The following SLC44A1 variants were observed in gnomAD, a reference collection of about 807,000 sequenced individuals.
SLC44A1 encodes the protein solute carrier family 44 member 1.
Under a neutral mutation model 79.3 loss-of-function variants are expected in SLC44A1, and 26 were observed. That is an observed-to-expected ratio of 0.33 (90% CI 0.24 to 0.46). The LOEUF is 0.46. SLC44A1 is among the 20% of genes least tolerant of loss of function. The pLI is 1.00. For missense variants in SLC44A1, 688 were observed against 798.1 expected (o/e 0.86, Z 1.66); for synonymous variants, 263 against 286.2 (o/e 0.92, Z 0.82).
intron 4 of SLC44A1, among the ~76,000 whole-genome samples, chr9:105,338,264 A>G (rs144877388): frequency 1.6e-3 from 246 of 152,318 alleles, no homozygotes; most frequent in African/African-American, 5.8e-3. Context: ...ATTTCTCAAA[A>G]GAACCTATCC....
chr9:105,278,602 A>G (rs1020447227), intron 1 of SLC44A1, among the ~76,000 whole-genome samples: 5 of 151,916 alleles, frequency 3.3e-5, no homozygotes, highest in Non-Finnish European at 5.9e-5. Context: ...GCTGGTCTCG[A>G]ACTCCTGACC....
At chr9:105,276,565 CGTGT>C (rs60259632) in intron 1 of SLC44A1, among the ~76,000 whole-genome samples, 8,047 of 118,836 alleles carry the variant, frequency 0.068, 233 homozygotes, top group Middle Eastern at 0.15. Flanking sequence ...GATGGGGAGC[CGTGT>C]GTGTGTGTGT....
At chr9:105,261,716 G>C (rs1042299795) in intron 1 of SLC44A1, among the ~76,000 whole-genome samples, 2 of 151,884 alleles carry the variant, frequency 1.3e-5, no homozygotes, top group Non-Finnish European at 2.9e-5. Context: ...AGATGCTACG[G>C]AGGGGTGTAG....
At chr9:105,378,396 AG>A (rs1828360969) in intron 13 of SLC44A1, among the ~76,000 whole-genome samples, 1 of 152,144 alleles carries the variant, frequency 6.6e-6, no homozygotes, top group Non-Finnish European at 1.5e-5. Flanking sequence ...ATCAATCCTC[AG>A]GTTTTCTGTT....
At chr9:105,433,037 G>A (rs1016291448) in intron 15 of SLC44A1, among the ~76,000 whole-genome samples, 2 of 152,162 alleles carry the variant, frequency 1.3e-5, no homozygotes, top group African/African-American at 2.4e-5. Context: ...GCTTACTCCT[G>A]TAATCCTAGC....
At chr9:105,397,382 C>T, downstream of SLC44A1, 1 of 981,292 alleles carries the variant, frequency 1.0e-6, no homozygotes, top group Non-Finnish European at 1.2e-6. Flanking sequence ...CTTCCCCATG[C>T]CCAGGGTGGT....
intron 15 of SLC44A1, among the ~76,000 whole-genome samples, chr9:105,404,233 CAAAAA>C (rs71489339): frequency 0.055 from 2,460 of 44,346 alleles, 17 homozygotes; most frequent in Non-Finnish European, 0.077. Context: ...GGACTCATCT[CAAAAA>C]AAAAAAAAAA....
intron 12 of SLC44A1, 147 bp downstream of exon 12, chr9:105,366,576 T>C (rs1827948628): frequency 2.4e-6 from 1 of 410,226 alleles, no homozygotes; most frequent in Non-Finnish European, 4.3e-6. Context: ...ATTTCAATCA[T>C]ATTCTTATTT....
intron 15 of SLC44A1, among the ~76,000 whole-genome samples, chr9:105,425,515 C>T (rs1829309215): frequency 6.6e-6 from 1 of 152,038 alleles, no homozygotes; most frequent in Non-Finnish European, 1.5e-5. Flanking sequence ...GAAGAACATT[C>T]TAGGCAGAGA....
intron 2 of SLC44A1, among the ~76,000 whole-genome samples, chr9:105,306,083 G>A (rs1166994307): frequency 2.0e-5 from 3 of 152,014 alleles, no homozygotes; most frequent in African/African-American, 4.8e-5. Context: ...AAATTTGTCT[G>A]TTCCTCTTCT....
intron 8 of SLC44A1, 87 bp downstream of exon 8, chr9:105,361,417 T>C: frequency 7.8e-7 from 1 of 1,273,936 alleles, no homozygotes. Context: ...ATCTAGCTTT[T>C]GCATTCCTAA....
intron 1 of SLC44A1, among the ~76,000 whole-genome samples, chr9:105,253,112 T>C (rs1176299604): frequency 6.6e-6 from 1 of 152,226 alleles, no homozygotes; most frequent in Non-Finnish European, 1.5e-5. Flanking sequence ...TTTTAGTTAC[T>C]CTCTACAATA....
intron 15 of SLC44A1, chr9:105,386,160 A>G (rs1828620922): frequency 2.0e-6 from 2 of 978,840 alleles, no homozygotes; most frequent in Non-Finnish European, 2.4e-6. Flanking sequence ...ATATATGTAT[A>G]TGTACACAAA....
intron 1 of SLC44A1, among the ~76,000 whole-genome samples, chr9:105,247,977 A>T (rs923470533): frequency 2.0e-5 from 3 of 152,158 alleles, no homozygotes; most frequent in African/African-American, 7.2e-5. Flanking sequence ...TCAGCTTGCA[A>T]AATTGTTCAA....
In SLC44A1 at chr9:105,365,450, T is replaced by C; in HGVS notation, c.1254-33T>C. ...TGTTTCCATCCTGATCTAGGCTTTG[T>C]TTTAATTGTCTTTTTGGTCATTTTT... On this transcript the variant is annotated intron_variant, in intron 10 of 15. Coordinates refer to ENST00000374720, the MANE Select transcript of SLC44A1 (RefSeq NM_080546.5). 4 of 1,575,892 alleles carry C rather than the reference T, an allele frequency of 2.5e-6. No homozygotes were observed. In the South Asian group the frequency reaches 3.4e-5, roughly 13 times the overall value.
At chr9:105,434,845 A>T (rs1829443625) in intron 15 of SLC44A1, among the ~76,000 whole-genome samples, 1 of 152,238 alleles carries the variant, frequency 6.6e-6, no homozygotes. Context: ...ATATTTTAAA[A>T]TTTAAAAATA....
At chr9:105,246,375 T>A (rs1299145542) in intron 1 of SLC44A1, among the ~76,000 whole-genome samples, 7 of 98,256 alleles carry the variant, frequency 7.1e-5, no homozygotes, top group Non-Finnish European at 1.1e-4. Flanking sequence ...CCTCCAGTCT[T>A]TTTTTTTTTT....
chr9:105,323,860 A>G (rs1386175232), intron 3 of SLC44A1, among the ~76,000 whole-genome samples: 1 of 152,224 alleles, frequency 6.6e-6, no homozygotes, highest in Admixed American at 6.5e-5. Context: ...AAATCAATTC[A>G]GAGTAATTCT....
At chr9:105,347,265 A>T (rs1174261321) in intron 4 of SLC44A1, among the ~76,000 whole-genome samples, 1 of 152,176 alleles carries the variant, frequency 6.6e-6, no homozygotes, top group South Asian at 2.1e-4. Context: ...TATCTTCATA[A>T]TACAAATGCA....
Sources: gnomAD v4.1 joint callset for allele counts (sites outside exome capture counted in the v4.1 genomes callset) on GRCh38, gnomAD v4.1.1 for gene constraint, MANE v1.5 for transcripts, NCBI Gene and HGNC (gene_info 2026-07-23, HGNC 2026-07-21) for gene names.